The following DYM variants were observed in gnomAD, a reference collection of about 807,000 sequenced individuals.
The protein encoded by DYM is dyggve-Melchior-Clausen syndrome protein.
Under a neutral mutation model 93.1 loss-of-function variants are expected in DYM, and 78 were observed. The ratio of observed to expected loss-of-function variants is 0.84; its 90% confidence interval spans 0.70 to 1.01. The LOEUF (loss-of-function observed/expected upper bound fraction) is 1.01, where lower values mean the gene tolerates loss of function less well. Ranked by LOEUF, DYM falls within the 50% of genes least tolerant of loss-of-function variation. DYM has a pLI of 0.00. For missense variants in DYM, 789 were observed against 845.0 expected, an observed-to-expected ratio of 0.93 and a Z score of 0.82; for synonymous variants, 321 against 319.7, an observed-to-expected ratio of 1.00 and a Z score of -0.04.
At chr18:49,381,441 C>T (rs1371064235) in intron 3 of DYM, among the ~76,000 whole-genome samples, 2 of 152,292 alleles carry the variant, frequency 1.3e-5, no homozygotes, top group South Asian at 2.1e-4. Flanking sequence ...AACTTTCTAA[C>T]TGTGATAAAA....
chr18:49,281,846 T>C, intron 10 of DYM, 151 bp downstream of exon 10: 1 of 675,492 alleles, frequency 1.5e-6, no homozygotes, highest in South Asian at 2.0e-5. Context: ...GCGATATACC[T>C]AATGTTAAAT....
At chr18:49,103,023 G>C (rs1478361750) in intron 16 of DYM, among the ~76,000 whole-genome samples, 1 of 152,160 alleles carries the variant, frequency 6.6e-6, no homozygotes, top group Non-Finnish European at 1.5e-5. Context: ...CTAGTTTACA[G>C]TCCCACCAAC....
intron 14 of DYM, among the ~76,000 whole-genome samples, chr18:49,187,321 C>A (rs2090542759): frequency 1.3e-5 from 2 of 152,074 alleles, no homozygotes; most frequent in South Asian, 4.1e-4. Context: ...TACAACTTGC[C>A]CAATTCTGAG....
intron 13 of DYM, among the ~76,000 whole-genome samples, chr18:49,233,490 A>T (rs9946452): frequency 0.027 from 4,073 of 152,268 alleles, 179 homozygotes; most frequent in African/African-American, 0.092. Context: ...AGATGTAGTT[A>T]CATGACAGAT....
At chr18:49,066,319 A>T (rs2076382819) in intron 17 of DYM, among the ~76,000 whole-genome samples, 1 of 152,096 alleles carries the variant, frequency 6.6e-6, no homozygotes, top group South Asian at 2.1e-4. Flanking sequence ...TGCATTCCAT[A>T]GCCCTCTCGG....
At chr18:49,129,657 T>C (rs1370052876) in intron 15 of DYM, among the ~76,000 whole-genome samples, 3 of 152,206 alleles carry the variant, frequency 2.0e-5, no homozygotes, top group African/African-American at 7.2e-5. Context: ...CACTATCCTC[T>C]ACTAGGTGCT....
intron 13 of DYM, among the ~76,000 whole-genome samples, chr18:49,254,610 AGT>A (rs749628547): frequency 1.3e-5 from 2 of 152,180 alleles, no homozygotes; most frequent in South Asian, 2.1e-4. Flanking sequence ...ACTTGGACAC[AGT>A]GTTTTTATAT....
chr18:49,300,086 A>T (rs868012902), intron 8 of DYM, among the ~76,000 whole-genome samples: 16 of 136,438 alleles, frequency 1.2e-4, no homozygotes, highest in Admixed American at 6.3e-4. Context: ...TATATATATA[A>T]ATATATATAT....
chr18:49,361,860 G>C (rs937645274), intron 6 of DYM, among the ~76,000 whole-genome samples: 2 of 152,140 alleles, frequency 1.3e-5, no homozygotes, highest in Admixed American at 6.5e-5. Flanking sequence ...TGAGTAGCTG[G>C]GATTACAGGC....
chr18:49,340,977 T>G (rs1367312116), intron 6 of DYM, among the ~76,000 whole-genome samples: 3 of 152,210 alleles, frequency 2.0e-5, no homozygotes, highest in Admixed American at 2.0e-4. Flanking sequence ...TTGCCATATA[T>G]ACAGTCAACA....
intron 2 of DYM, among the ~76,000 whole-genome samples, chr18:49,415,233 T>C (rs1049384399): frequency 1.3e-5 from 2 of 149,944 alleles, no homozygotes; most frequent in Non-Finnish European, 3.0e-5. Flanking sequence ...GGCAGAAGAA[T>C]TGCTTGAACC....
Position 49,044,093 on chromosome 18 carries a change from G to C in DYM, c.2137C>G (p.Pro713Ala). 6.2e-7 allele frequency: 1 copy of C among 1,614,014 alleles called. No homozygotes were observed. The highest frequency in any genetic ancestry group is 8.5e-7 in the Non-Finnish European group (1 of 1,180,032). ...YNSAVGLYWN[P>A]QDIQLFTMDS... Reference sequence around the variant, plus strand: ...ATGGTGAACAGCTGGATGTCCTGTGGATTCCAGTACAGGCCGACTGCTGAG... The same window carrying C: ...ATGGTGAACAGCTGGATGTCCTGTGCATTCCAGTACAGGCCGACTGCTGAG... Residue 713 changes from proline to alanine, a missense_variant, in exon 18 of 18, where the codon CCA (proline) becomes GCA (alanine). Physicochemically the swap from Pro to Ala is conservative, Grantham distance 27 (BLOSUM62 -1). Around this residue, in one of 3 missense-constraint regions of DYM, gnomAD observed 114 missense variants for 105.8 expected, o/e 1.08. Coordinates refer to ENST00000675505, the MANE Select transcript of DYM (RefSeq NM_001353214.3).
chr18:49,173,165 C>T (rs1318302577), intron 14 of DYM, among the ~76,000 whole-genome samples: 1 of 151,984 alleles, frequency 6.6e-6, no homozygotes, highest in African/African-American at 2.4e-5. Flanking sequence ...TATTCAATTC[C>T]ATTGGTCCAT....
chr18:49,304,851 AC>A (rs1216183855), intron 8 of DYM, among the ~76,000 whole-genome samples: 1 of 151,970 alleles, frequency 6.6e-6, no homozygotes, highest in Non-Finnish European at 1.5e-5. Context: ...CAGACAAGGC[AC>A]CCAACAACAC....
Position 49,103,177 on chromosome 18 carries a change from C to T in DYM, c.1912-5662G>A, listed in dbSNP as rs528532482. The stretch of plus-strand genomic sequence containing the variant: ...TTCTCTGATGGCCAGTGATGATGAG[C>T]ATTTTTTCATGTGTCTTTTGGCTGC... On this transcript the variant is annotated intron_variant, in intron 16 of 17. Transcript: ENST00000675505. 1.5e-3 allele frequency among the ~76,000 whole-genome samples: 222 copies of T among 152,282 alleles called. 1 individual carries two copies. Among genetic ancestry groups the T allele is most frequent in the African/African-American group, 4.9e-3 (203 of 41,550 alleles).
At chr18:49,142,964 T>C (rs898956071) in intron 15 of DYM, among the ~76,000 whole-genome samples, 15 of 152,228 alleles carry the variant, frequency 9.9e-5, no homozygotes, top group Non-Finnish European at 1.8e-4. Context: ...ATTGTTCTGA[T>C]GTTCAGATCA....
chr18:49,221,990 A>T (rs1466610603), intron 13 of DYM, among the ~76,000 whole-genome samples: 1 of 151,966 alleles, frequency 6.6e-6, no homozygotes, highest in Non-Finnish European at 1.5e-5. Context: ...ATTTTATAAA[A>T]AAAAAAGAAA....
intron 16 of DYM, among the ~76,000 whole-genome samples, chr18:49,098,848 AACACAGATAGCAAAACATATTGT>A (rs2145585713): frequency 6.6e-6 from 1 of 152,370 alleles, no homozygotes; most frequent in South Asian, 2.1e-4. Flanking sequence ...AAAAAGACAC[AACACAGATAGCAAAACATATTGT>A]AATAGATTAA....
At chr18:49,340,040 T>TCA (rs1424267501) in intron 6 of DYM, among the ~76,000 whole-genome samples, 2 of 151,854 alleles carry the variant, frequency 1.3e-5, no homozygotes, top group Non-Finnish European at 2.9e-5. Context: ...AAGCTCCGCC[T>TCA]CCTGGATTCA....
Sources: gnomAD v4.1 joint callset for allele counts (sites outside exome capture counted in the v4.1 genomes callset) on GRCh38, gnomAD v4.1.1 for gene constraint, gnomAD v4.1.1 regional missense constraint, MANE v1.5 for transcripts, NCBI Gene and HGNC (gene_info 2026-07-23, HGNC 2026-07-21) for gene names.